Variants in MBTPS1 observed in about 807,000 individuals in gnomAD.
MBTPS1 encodes membrane bound transcription factor peptidase, site 1, also known as membrane-bound transcription factor site-1 protease.
In MBTPS1, 94 loss-of-function variants were observed where a neutral mutation model predicts 127.8. That is an observed-to-expected ratio of 0.74 (90% CI 0.62 to 0.87). The LOEUF (loss-of-function observed/expected upper bound fraction) is 0.87. MBTPS1 is among the 40% of genes least tolerant of loss of function. MBTPS1 has a pLI of 0.00. For missense variants in MBTPS1, 1,636 were observed against 1,353.2 expected (o/e 1.21, Z -3.28); for synonymous variants, 632 against 509.4 (o/e 1.24, Z -3.24).
chr16:84,100,459 G>A (rs967054829), intron 2 of MBTPS1, among the ~76,000 whole-genome samples: 1 of 152,034 alleles, frequency 6.6e-6, no homozygotes, highest in African/African-American at 2.4e-5. Context: ...CAGGAGAATC[G>A]CTTGAACCTG....
chr16:84,065,862 G>A (rs1189403915), intron 17 of MBTPS1, 95 bp from the exon 18 acceptor site: 2 of 669,492 alleles, frequency 3.0e-6, no homozygotes, highest in East Asian at 2.9e-5. Flanking sequence ...TTCTTCAGAT[G>A]CTATGTATTT....
chr16:84,108,741 G>A (rs1200054329), intron 1 of MBTPS1, among the ~76,000 whole-genome samples: 1 of 152,228 alleles, frequency 6.6e-6, no homozygotes, highest in African/African-American at 2.4e-5. Flanking sequence ...CACCAGGTGA[G>A]GGGGTCAGAG....
At chr16:84,056,652 A>T (rs1355807902) in intron 21 of MBTPS1, 1 of 152,804 alleles carries the variant, frequency 6.5e-6, no homozygotes. Flanking sequence ...TCCAGGGAGA[A>T]TACGAAACAT....
chr16:84,116,580 A>T (rs1427944014), intron 1 of MBTPS1, among the ~76,000 whole-genome samples, 155 bp downstream of exon 1: 1 of 152,112 alleles, frequency 6.6e-6, no homozygotes, highest in African/African-American at 2.4e-5. Context: ...GTGTCCAAAC[A>T]AGCGCCGGAG....
chr16:84,064,470 T>C (rs1212028993), intron 18 of MBTPS1, among the ~76,000 whole-genome samples: 1 of 152,202 alleles, frequency 6.6e-6, no homozygotes, highest in Non-Finnish European at 1.5e-5. Context: ...CAAAAGATTA[T>C]TCAACTTAAA....
intron 9 of MBTPS1, chr16:84,086,731 G>A (rs992541721): frequency 6.6e-6 from 1 of 152,524 alleles, no homozygotes; most frequent in African/African-American, 2.4e-5. Context: ...GAGAAGGGCA[G>A]ATGCTCCCCT....
At chr16:84,088,237 C>T (rs2086058143) in intron 8 of MBTPS1, among the ~76,000 whole-genome samples, 1 of 152,222 alleles carries the variant, frequency 6.6e-6, no homozygotes, top group South Asian at 2.1e-4. Flanking sequence ...GACAAATCAA[C>T]AACTACATAC....
chr16:84,085,698 G>C (rs1008188020), intron 9 of MBTPS1, among the ~76,000 whole-genome samples: 1 of 151,282 alleles, frequency 6.6e-6, no homozygotes, highest in South Asian at 2.1e-4. Flanking sequence ...CAATGGCAAA[G>C]GCATAAAGCA....
chr16:84,101,712 T>A lies in MBTPS1; in HGVS notation c.72A>T (p.Arg24Ser), dbSNP rs1358001759. 6.2e-7 allele frequency: 1 copy of A among 1,614,150 alleles called. No homozygotes were observed. Among genetic ancestry groups the A allele is most frequent in the South Asian group, 1.1e-5 (1 of 91,076 alleles). ...CCTTTTCAAAAGATTTCTTTTCCAG[T>A]CTGTCGCCCAGATGTTTCTTCCCAC... is the stretch of plus-strand genomic sequence containing the variant. ...LLCGKKHLGDRLEKKSFEKAP... is the reference protein window; with the variant it reads ...LLCGKKHLGDSLEKKSFEKAP... The change falls in exon 2 of 23, where the codon AGA (arginine) becomes AGT (serine). Residue 24 changes from arginine to serine, a missense_variant. Physicochemically the swap from Arg to Ser is moderately radical, Grantham distance 110. Coordinates refer to ENST00000343411, the MANE Select transcript of MBTPS1 (RefSeq NM_003791.4).
chr16:84,080,333 G>A (rs185418642), intron 11 of MBTPS1, among the ~76,000 whole-genome samples: 12 of 152,348 alleles, frequency 7.9e-5, no homozygotes, highest in African/African-American at 2.4e-4. Context: ...AAGTTGTCAG[G>A]AGTAATCACC....
At chr16:84,068,564 A>C (rs989703872) in intron 14 of MBTPS1, 110 bp from the exon 15 acceptor site, 2 of 755,568 alleles carry the variant, frequency 2.6e-6, no homozygotes, top group South Asian at 3.2e-5. Flanking sequence ...GCCCACAGAG[A>C]AGGCCTGGAT....
intron 16 of MBTPS1, 89 bp downstream of exon 16, chr16:84,067,578 C>CA (rs2085704072): frequency 4.6e-6 from 5 of 1,090,528 alleles, no homozygotes; most frequent in Non-Finnish European, 6.8e-6. Context: ...GAAAGACCAC[C>CA]AACAGGTCAA....
In MBTPS1 at chr16:84,091,844, G is replaced by A. The variant is rs1236897703; in HGVS notation, c.851C>T (p.Ser284Phe). The A allele has an allele frequency of 6.4e-7, 1 of 1,562,660 alleles. No homozygotes were observed. The highest frequency in any genetic ancestry group is 1.1e-5 in the South Asian group (1 of 90,012). Residue 284 changes from serine to phenylalanine, a missense_variant, in exon 7 of 23, where the codon TCT (serine) becomes TTT (phenylalanine). By Grantham distance (155) the Ser-to-Phe change is radical (BLOSUM62 -2). Coordinates refer to ENST00000343411, the MANE Select transcript of MBTPS1 (RefSeq NM_003791.4). Reference protein sequence around the residue: ...IFRVFTNNQVSYTSWFLDAFN... With the variant: ...IFRVFTNNQVFYTSWFLDAFN... ...GGCGTCCAAAAACCAAGATGTGTAA[G>A]ATACCTAGTTAAATATTATAACAGT...
intron 20 of MBTPS1, chr16:84,060,121 G>A (rs1597302121): frequency 6.5e-6 from 1 of 153,008 alleles, no homozygotes; most frequent in African/African-American, 2.4e-5. Context: ...GTGCCAAGCA[G>A]CTGGCGGCCC....
intron 2 of MBTPS1, 123 bp from the exon 3 acceptor site, chr16:84,099,433 G>T: frequency 1.0e-6 from 1 of 972,992 alleles, no homozygotes; most frequent in Non-Finnish European, 1.5e-6. Flanking sequence ...GCAGACGAGA[G>T]AAAACACAAA....
chr16:84,101,739 G>T lies in MBTPS1; in HGVS notation c.45C>A (p.Leu15=). The T allele has an allele frequency of 6.2e-7, 1 of 1,614,098 alleles. No homozygotes were observed. Among genetic ancestry groups the T allele is most frequent in the African/African-American group, 1.3e-5 (1 of 75,034 alleles). ...TGTCGCCCAGATGTTTCTTCCCACA[G>T]AGCAAAACCACGAGCAGAAGCAGCC... ...NIWLLLLVVL[L]CGKKHLGDRL... Residue 15 remains leucine, a synonymous_variant, in exon 2 of 23, where the codon CTC becomes CTA. Coordinates refer to ENST00000343411, the MANE Select transcript of MBTPS1 (RefSeq NM_003791.4).
At chr16:84,106,810 C>T (rs2086330210) in intron 1 of MBTPS1, among the ~76,000 whole-genome samples, 1 of 152,160 alleles carries the variant, frequency 6.6e-6, no homozygotes, top group Non-Finnish European at 1.5e-5. Context: ...TGGCTTGGAC[C>T]AGGGCGGGCA....
At chr16:84,108,314 G>A (rs1250542661) in intron 1 of MBTPS1, among the ~76,000 whole-genome samples, 1 of 152,152 alleles carries the variant, frequency 6.6e-6, no homozygotes, top group Admixed American at 6.5e-5. Flanking sequence ...GCCCAGGCTG[G>A]AGTGCAATGG....
rs140160203 is a variant in MBTPS1, at chr16:84,069,968, G to A, written c.1853C>T (p.Pro618Leu). The change falls in exon 14 of 23, where the codon CCG becomes CTG. Residue 618 changes from proline (P) to leucine (L), a missense_variant. Coordinates refer to ENST00000343411, the MANE Select transcript of MBTPS1 (RefSeq NM_003791.4). ...PIKVKIIPTP[P>L]RSKRVLWDQY... ...ATCCCAGAGAACTCTCTTGCTTCGC[G>A]GGGGAGTAGGAATTATCTTCACCTT... is the stretch of plus-strand genomic sequence containing the variant. The A allele has an allele frequency of 6.0e-5, 97 of 1,613,990 alleles. No individual in the cohort carries two copies. Among genetic ancestry groups the A allele is most frequent in the African/African-American group, 2.3e-4 (17 of 75,028 alleles).
Sources: gnomAD v4.1 joint callset for allele counts (sites outside exome capture counted in the v4.1 genomes callset) on GRCh38, gnomAD v4.1.1 for gene constraint, MANE v1.5 for transcripts, NCBI Gene and HGNC (gene_info 2026-07-23, HGNC 2026-07-21) for gene names.